Variants in DAB2IP observed in about 807,000 individuals in gnomAD.
DAB2IP encodes the protein DAB2 interacting protein.
A neutral mutation model predicts 107.2 loss-of-function variants in DAB2IP; 28 were observed. The observed-to-expected ratio is 0.26, with a 90% CI of 0.19 to 0.36. DAB2IP has a LOEUF of 0.36. DAB2IP is among the 10% of genes least tolerant of loss of function. The pLI is 1.00. For synonymous variants in DAB2IP, 755 were observed against 706.4 expected (o/e 1.07, Z -1.09); for missense variants, 1,400 against 1,644.7 (o/e 0.85, Z 2.57).
intron 1 of DAB2IP, among the ~76,000 whole-genome samples, chr9:121,669,053 T>C (rs1025258318): frequency 2.0e-5 from 3 of 151,862 alleles, no homozygotes; most frequent in Non-Finnish European, 2.9e-5. Flanking sequence ...GTAGCTAGGT[T>C]TACAGGCATC....
chr9:121,600,167 C>A (rs983278463), intron 1 of DAB2IP, among the ~76,000 whole-genome samples: 1 of 152,138 alleles, frequency 6.6e-6, no homozygotes, highest in Non-Finnish European at 1.5e-5. Flanking sequence ...TCCCAAACTT[C>A]AGACCTTCCT....
At position 121,684,231 on chromosome 9, in the gene DAB2IP, A is replaced by G. The variant is rs892237649; in HGVS notation, c.228+5450A>G. ...ACCATGGAAAGGCTGTTGGAAATTA[A>G]CTGGTTCAACCCTTCCCTATACAGA... On this transcript the variant is annotated intron_variant, in intron 2 of 15. Transcript: ENST00000408936. The surrounding 1 kb of genome is among the most constrained non-coding windows in gnomAD (Gnocchi z 4.0). 1.3e-5 allele frequency among the ~76,000 whole-genome samples: 2 copies of G among 152,158 alleles called. No individual in the cohort carries two copies. The highest frequency in any genetic ancestry group is 2.9e-5 in the Non-Finnish European group (2 of 68,026).
At chr9:121,780,179 C>CT (rs1835505852) in intron 14 of DAB2IP, among the ~76,000 whole-genome samples, 1 of 152,200 alleles carries the variant, frequency 6.6e-6, no homozygotes, top group African/African-American at 2.4e-5. Flanking sequence ...AGCCAATGTG[C>CT]CCGGCCCTAT....
chr9:121,777,190 C>T (rs1835265808), intron 14 of DAB2IP, among the ~76,000 whole-genome samples: 1 of 152,092 alleles, frequency 6.6e-6, no homozygotes, highest in Admixed American at 6.5e-5. Context: ...GACAGTGTGT[C>T]TTGTTTGAAT....
At chr9:121,672,563 A>T (rs1409664337) in intron 1 of DAB2IP, among the ~76,000 whole-genome samples, 1 of 152,196 alleles carries the variant, frequency 6.6e-6, no homozygotes, top group African/African-American at 2.4e-5. Context: ...GGCTTCCAAG[A>T]ATAGGAAGAC....
chr9:121,707,574 T>A (rs939684154), intron 3 of DAB2IP, among the ~76,000 whole-genome samples: 33 of 152,314 alleles, frequency 2.2e-4, no homozygotes, highest in African/African-American at 7.9e-4. Context: ...TGGGCCTGAT[T>A]GTAAAAGAGT....
chr9:121,570,902 C>T (rs1384050075), intron 1 of DAB2IP, among the ~76,000 whole-genome samples: 1 of 152,020 alleles, frequency 6.6e-6, no homozygotes, highest in Non-Finnish European at 1.5e-5. Context: ...TGGCTGGCCC[C>T]TTCTCCTGGG....
chr9:121,651,859 A>G lies in DAB2IP; in HGVS notation c.84A>G (p.Arg28=), dbSNP rs1440053768. 3 of 1,459,314 alleles carry G rather than the reference A, an allele frequency of 2.1e-6. No individual in the cohort carries two copies. Among genetic ancestry groups the G allele is most frequent in the Non-Finnish European group, 2.7e-6 (3 of 1,101,906 alleles). 90.4% of individuals were successfully genotyped at this position (1,459,314 alleles called of 1,614,324 possible). Reference sequence around the variant, plus strand: ...TGCTGAGGCGGCCCCGGCTGCAGCGACAGAGGAGCCGCTCCCGCAGCCGGA... The same window carrying G: ...TGCTGAGGCGGCCCCGGCTGCAGCGGCAGAGGAGCCGCTCCCGCAGCCGGA... The change falls in exon 1 of 16, where the codon CGA becomes CGG. Residue 28 remains arginine (R), a synonymous_variant. Coordinates refer to ENST00000408936, the Ensembl canonical transcript of DAB2IP. This position sits in a 1 kb window ranked among gnomAD's most constrained non-coding sequence, Gnocchi z 5.1.
chr9:121,664,949 C>T (rs1165103195), intron 1 of DAB2IP, among the ~76,000 whole-genome samples: 2 of 152,144 alleles, frequency 1.3e-5, no homozygotes, highest in Non-Finnish European at 2.9e-5. Flanking sequence ...CAGTCTGAGT[C>T]AACTGTTCTA....
intron 3 of DAB2IP, among the ~76,000 whole-genome samples, chr9:121,700,880 G>C (rs1001107387): frequency 6.6e-6 from 1 of 152,156 alleles, no homozygotes; most frequent in African/African-American, 2.4e-5. Context: ...GGGACCAGGC[G>C]TGCCCTGGCA....
At chr9:121,719,333 G>A (rs956675149) in intron 3 of DAB2IP, among the ~76,000 whole-genome samples, 4 of 152,178 alleles carry the variant, frequency 2.6e-5, no homozygotes, top group Admixed American at 2.6e-4. Context: ...ATCTCTCAAG[G>A]AATCCGGGAG....
chr9:121,570,979 T>C (rs769602967), intron 1 of DAB2IP, among the ~76,000 whole-genome samples: 3 of 151,986 alleles, frequency 2.0e-5, no homozygotes, highest in Non-Finnish European at 1.5e-5. Flanking sequence ...TCCTTCATGA[T>C]TGAACTCTTC....
rs115642797 is a variant in DAB2IP, at chr9:121,625,488, C to T, written c.41-53190C>T. Among the ~76,000 whole-genome samples the T allele has an allele frequency of 6.2e-3, 947 of 152,036 alleles. 11 individuals are homozygous for T. Among genetic ancestry groups the T allele is most frequent in the African/African-American group, 0.021 (883 of 41,468 alleles). On this transcript the variant is annotated intron_variant, in intron 1 of 16. Transcript: ENST00000259371. ...TGTTAGCCAGGCTGGTCTCAAACTT[C>T]GGACCTCAGGTGATCTGCCTGCCCC...
At chr9:121,584,049 C>A (rs532049608) in intron 1 of DAB2IP, among the ~76,000 whole-genome samples, 1 of 151,876 alleles carries the variant, frequency 6.6e-6, no homozygotes, top group Admixed American at 6.6e-5. Context: ...TGGTGGTGCA[C>A]GCCTGTAATC....
At position 121,738,421 on chromosome 9, in the gene DAB2IP, GT is replaced by G. The variant is rs374542007; in HGVS notation, c.363-18583del. On this transcript the variant is annotated intron_variant, in intron 3 of 15. Transcript: ENST00000408936. Reference sequence around the variant, plus strand: ...ATCCAGACACTAATAAAAGTAAAGGGTTTTTTTTTCTTCTTTCCTGCTAGAG... The same window carrying G: ...ATCCAGACACTAATAAAAGTAAAGGGTTTTTTTTCTTCTTTCCTGCTAGAG... Among the ~76,000 whole-genome samples the G allele has an allele frequency of 8.4e-3, 1,280 of 151,670 alleles. 19 individuals carry two copies. Among genetic ancestry groups the G allele is most frequent in the African/African-American group, 0.029 (1,208 of 41,316 alleles).
chr9:121,664,802 T>C (rs1833350856), intron 1 of DAB2IP, among the ~76,000 whole-genome samples: 1 of 152,218 alleles, frequency 6.6e-6, no homozygotes, highest in Non-Finnish European at 1.5e-5. Context: ...CCCTTCCCGC[T>C]AACTTCCTAG....
At position 121,583,391 on chromosome 9, in the gene DAB2IP, A is replaced by G. The variant is rs577680628; in HGVS notation, c.40+16163A>G. Reference sequence around the variant, plus strand: ...GGGCAACTGAGTGAGACTCTGTTTAAAAAACAAAAAAGAAAAGGGAGAGGC... The same window carrying G: ...GGGCAACTGAGTGAGACTCTGTTTAGAAAACAAAAAAGAAAAGGGAGAGGC... On this transcript the variant is annotated intron_variant, in intron 1 of 16. Coordinates refer to the DAB2IP transcript ENST00000259371. Among the ~76,000 whole-genome samples, 4 of 152,322 alleles carry G rather than the reference A, an allele frequency of 2.6e-5. No individual in the cohort carries two copies. The South Asian group carries it at 8.3e-4, about 32-fold the overall frequency.
intron 3 of DAB2IP, among the ~76,000 whole-genome samples, chr9:121,704,713 C>T (rs1829970910): frequency 1.3e-5 from 2 of 152,212 alleles, no homozygotes; most frequent in African/African-American, 4.8e-5. Flanking sequence ...CCCGTCCTCT[C>T]CTCTCCATAA....
chr9:121,623,201 G>A (rs1831534307), intron 1 of DAB2IP, among the ~76,000 whole-genome samples: 1 of 152,210 alleles, frequency 6.6e-6, no homozygotes, highest in Non-Finnish European at 1.5e-5. Context: ...GGCATGGCCA[G>A]TCCCTACCCT....
Sources: allele counts gnomAD v4.1 joint callset (sites outside exome capture counted in the v4.1 genomes callset), GRCh38; gene constraint gnomAD v4.1.1; non-coding constraint Gnocchi (gnomAD v3.1); transcripts MANE v1.5; gene names NCBI Gene and HGNC (gene_info 2026-07-23, HGNC 2026-07-21).